Variants in MACROD2 observed in about 807,000 individuals in gnomAD.
MACROD2 encodes mono-ADP ribosylhydrolase 2, also known as ADP-ribose glycohydrolase MACROD2.
In MACROD2, 36 loss-of-function variants were observed where a neutral mutation model predicts 70.4. The ratio of observed to expected loss-of-function variants is 0.51; its 90% CI spans 0.39 to 0.68. MACROD2 has a LOEUF of 0.68. MACROD2 is among the 30% of genes least tolerant of loss of function. The probability of loss-of-function intolerance (pLI) is 0.00; values close to 1 mark genes in which losing one functional copy is unlikely to be tolerated. For missense variants in MACROD2, 496 were observed against 538.4 expected (o/e 0.92, Z 0.78); for synonymous variants, 172 against 178.8 (o/e 0.96, Z 0.30).
At chr20:14,207,379 C>T (rs1237936924) in intron 3 of MACROD2, among the ~76,000 whole-genome samples, 2 of 152,086 alleles carry the variant, frequency 1.3e-5, no homozygotes, top group African/African-American at 2.4e-5. Context: ...GGATTACAGG[C>T]GTGAGCCACT....
chr20:15,693,466 A>G (rs2050324125), intron 8 of MACROD2, among the ~76,000 whole-genome samples: 1 of 152,142 alleles, frequency 6.6e-6, no homozygotes, highest in Non-Finnish European at 1.5e-5. Context: ...ATGATTGGCA[A>G]CTGATAGAGA....
At chr20:15,105,173 G>C (rs2075901344) in intron 5 of MACROD2, among the ~76,000 whole-genome samples, 1 of 152,256 alleles carries the variant, frequency 6.6e-6, no homozygotes, top group East Asian at 1.9e-4. Context: ...GGTGCAGCTG[G>C]ATGCAGGGAC....
intron 5 of MACROD2, among the ~76,000 whole-genome samples, chr20:14,906,714 A>G (rs542299733): frequency 1.3e-5 from 2 of 152,202 alleles, no homozygotes; most frequent in Non-Finnish European, 2.9e-5. Flanking sequence ...ATTAGGTTCA[A>G]TAAAAGAACA....
At chr20:14,919,863 C>T (rs953555468) in intron 5 of MACROD2, among the ~76,000 whole-genome samples, 1 of 152,176 alleles carries the variant, frequency 6.6e-6, no homozygotes, top group Non-Finnish European at 1.5e-5. Context: ...CTCCACCTGC[C>T]GTGGCCCCAT....
chr20:14,232,325 G>T (rs1025762814), intron 3 of MACROD2, among the ~76,000 whole-genome samples: 4 of 152,180 alleles, frequency 2.6e-5, no homozygotes, highest in Non-Finnish European at 5.9e-5. Flanking sequence ...CCTGTCTTTT[G>T]ACTCTTCGAA....
At chr20:14,617,693 G>T (rs1983561518) in intron 4 of MACROD2, among the ~76,000 whole-genome samples, 1 of 151,938 alleles carries the variant, frequency 6.6e-6, no homozygotes, top group South Asian at 2.1e-4. Context: ...AAAATAACTA[G>T]CTCACTCAAG....
At chr20:14,601,370 G>A (rs1982485137) in intron 4 of MACROD2, among the ~76,000 whole-genome samples, 1 of 152,090 alleles carries the variant, frequency 6.6e-6, no homozygotes, top group Non-Finnish European at 1.5e-5. Context: ...AATGCCACCG[G>A]GGATATGACA....
rs548427538 is a variant in MACROD2, at chr20:14,342,093, C to T, written c.272-151386C>T. ...TTAAACTTGATCACAGGTTCATTCC[C>T]GAACCTATTACATGGGTGGGGAGAT... On this transcript the variant is annotated intron_variant, in intron 3 of 17. Coordinates refer to ENST00000684519, the MANE Select transcript of MACROD2 (RefSeq NM_001351661.2). 5.3e-5 allele frequency among the ~76,000 whole-genome samples: 8 copies of T among 152,274 alleles called. No individual in the cohort carries two copies. The South Asian group carries it at 8.3e-4, about 16-fold the overall frequency.
At chr20:15,566,018 T>C (rs1234293090) in intron 8 of MACROD2, among the ~76,000 whole-genome samples, 4 of 152,202 alleles carry the variant, frequency 2.6e-5, no homozygotes, top group African/African-American at 7.2e-5. Context: ...ATCTCTGAGC[T>C]TCTTTCAGCA....
chr20:15,857,670 G>C (rs1276660593), intron 8 of MACROD2, among the ~76,000 whole-genome samples: 1 of 152,160 alleles, frequency 6.6e-6, no homozygotes, highest in Non-Finnish European at 1.5e-5. Flanking sequence ...TCTGTGGCCA[G>C]CCCTAACCCA....
chr20:15,467,965 C>T (rs1015844831), intron 7 of MACROD2, among the ~76,000 whole-genome samples: 10 of 152,244 alleles, frequency 6.6e-5, no homozygotes, highest in African/African-American at 4.8e-5. Context: ...ATCTGATTTC[C>T]GAGCTTCTAC....
chr20:14,680,389 T>A lies in MACROD2; in HGVS notation c.302-4454T>A, dbSNP rs186567942. Reference sequence around the variant, plus strand: ...GAGGGGGCTTGGCTAACATCTTGGGTTTTCCGCTGAAACTCCAGAAGGGCT... The same window carrying A: ...GAGGGGGCTTGGCTAACATCTTGGGATTTCCGCTGAAACTCCAGAAGGGCT... On this transcript the variant is annotated intron_variant, in intron 4 of 17. Coordinates refer to ENST00000684519, the MANE Select transcript of MACROD2 (RefSeq NM_001351661.2). Among the ~76,000 whole-genome samples, 234 of 152,140 alleles carry A rather than the reference T, an allele frequency of 1.5e-3. 1 individual carries two copies. Among genetic ancestry groups the A allele is most frequent in the Non-Finnish European group, 2.7e-3 (186 of 67,986 alleles).
rs562076909 is a variant in MACROD2 at position 14,497,471 on chromosome 20, A to T, written c.301+3963A>T. ...AAGAAAAATCAGAACTGAAGAGCTA[A>T]TTCCTCACTTCCTTTTGGATCATTA... On this transcript the variant is annotated intron_variant, in intron 4 of 17. Coordinates refer to ENST00000684519, the MANE Select transcript of MACROD2 (RefSeq NM_001351661.2). 3.0e-4 allele frequency among the ~76,000 whole-genome samples: 45 copies of T among 151,776 alleles called. 1 individual carries two copies. The highest frequency in any genetic ancestry group is 6.0e-4 in the Non-Finnish European group (41 of 68,034).
intron 9 of MACROD2, among the ~76,000 whole-genome samples, chr20:15,876,832 T>A (rs1419730994): frequency 2.0e-5 from 3 of 152,126 alleles, no homozygotes; most frequent in African/African-American, 7.2e-5. Context: ...GATATCTCAT[T>A]GTGGTTTTGA....
At chr20:14,008,566 A>G (rs2052854069) in intron 2 of MACROD2, among the ~76,000 whole-genome samples, 2 of 152,202 alleles carry the variant, frequency 1.3e-5, no homozygotes, top group South Asian at 4.1e-4. Flanking sequence ...TAGATTCAGT[A>G]CTATTCCTAT....
intron 4 of MACROD2, among the ~76,000 whole-genome samples, chr20:14,620,462 T>A (rs1983763659): frequency 6.6e-6 from 1 of 152,124 alleles, no homozygotes; most frequent in Non-Finnish European, 1.5e-5. Flanking sequence ...AGGGAACATA[T>A]TAGGATAAAT....
At chr20:14,047,380 G>C (rs1411542702) in intron 2 of MACROD2, among the ~76,000 whole-genome samples, 1 of 151,184 alleles carries the variant, frequency 6.6e-6, no homozygotes, top group Non-Finnish European at 1.5e-5. Context: ...GCTTGAACCT[G>C]AGAGGTGGAG....
intron 8 of MACROD2, among the ~76,000 whole-genome samples, chr20:15,680,713 A>T (rs2050148863): frequency 6.6e-6 from 1 of 152,158 alleles, no homozygotes; most frequent in Non-Finnish European, 1.5e-5. Flanking sequence ...TTTCAAGGTC[A>T]GTAAGTTTGT....
chr20:15,862,955 T>C, intron 9 of MACROD2, 129 bp downstream of exon 9: 1 of 656,804 alleles, frequency 1.5e-6, no homozygotes, highest in South Asian at 2.2e-5. Flanking sequence ...GTATCATAGT[T>C]TCTAAGAACT....
Sources: allele counts gnomAD v4.1 joint callset (sites outside exome capture counted in the v4.1 genomes callset), GRCh38; gene constraint gnomAD v4.1.1; transcripts MANE v1.5; gene names NCBI Gene and HGNC (gene_info 2026-07-23, HGNC 2026-07-21).